BCAS3: variants seen among roughly 807,000 people sequenced by gnomAD.
The protein encoded by BCAS3 is BCAS3 microtubule associated cell migration factor, also known as BCAS4/BCAS3 fusion.
In BCAS3, 53 loss-of-function variants were observed where a neutral mutation model predicts 116.1. The ratio of observed to expected loss-of-function variants is 0.46; its 90% CI spans 0.37 to 0.57. The LOEUF is 0.57. Ranked by LOEUF, BCAS3 falls within the 20% of genes least tolerant of loss-of-function variation. The pLI is 0.00. For synonymous variants in BCAS3, 391 were observed against 408.2 expected (o/e 0.96, Z 0.51); for missense variants, 917 against 1,165.4 (o/e 0.79, Z 3.10).
At chr17:61,062,339 C>T (rs182496086) in intron 19 of BCAS3, among the ~76,000 whole-genome samples, 36 of 152,256 alleles carry the variant, frequency 2.4e-4, no homozygotes, top group Middle Eastern at 6.8e-3. Context: ...TAAAGGTAAG[C>T]TTTAATAAGA....
Position 60,984,991 on chromosome 17 carries a change from C to T in BCAS3, c.1222-4980C>T, listed in dbSNP as rs1474287925. Reference sequence around the variant, plus strand: ...CACCACTGCACTCTAGCCTGGGTGACAGAGTGAGACTCCATCTCAAAAAAA... The same window carrying T: ...CACCACTGCACTCTAGCCTGGGTGATAGAGTGAGACTCCATCTCAAAAAAA... On this transcript the variant is annotated intron_variant, in intron 14 of 23. Coordinates refer to ENST00000407086, the MANE Select transcript of BCAS3 (RefSeq NM_017679.5). Among the ~76,000 whole-genome samples, 5 of 117,420 alleles carry T rather than the reference C, an allele frequency of 4.3e-5. No individual in the cohort carries two copies. In the Admixed American group the frequency reaches 5.8e-4, roughly 14 times the overall value. The allele number at this position is 117,420 out of a possible 152,430, so 77.0% of individuals were successfully genotyped here. A position where few individuals can be genotyped will look rare whatever the true frequency, so the allele number is the denominator to read the frequency against.
At chr17:61,152,324 G>A (rs1053020484) in intron 22 of BCAS3, among the ~76,000 whole-genome samples, 4 of 152,104 alleles carry the variant, frequency 2.6e-5, no homozygotes, top group Non-Finnish European at 5.9e-5. Context: ...TAGGATCCTA[G>A]TGATTGGTGT....
chr17:61,040,929 T>A, intron 19 of BCAS3, 37 bp downstream of exon 19: 1 of 1,520,788 alleles, frequency 6.6e-7, no homozygotes, highest in Non-Finnish European at 9.1e-7. Context: ...TTTCGTATGG[T>A]CTATTCAGAT....
chr17:61,313,812 A>G lies in BCAS3; in HGVS notation c.2426-54515A>G, dbSNP rs2054520769. 6.6e-6 allele frequency among the ~76,000 whole-genome samples: 1 copy of G among 152,196 alleles called. No homozygotes were observed. The highest frequency in any genetic ancestry group is 2.4e-5 in the African/African-American group (1 of 41,452). On this transcript the variant is annotated intron_variant, in intron 22 of 23. Transcript: ENST00000407086. This position sits in a 1 kb window ranked among gnomAD's most constrained non-coding sequence, Gnocchi z 4.3. ...ATACAACTGGAAAGGCAAGCTCCCA[A>G]TTAAGTGGAAGAGCTCAAGCAAGAG... is the stretch of plus-strand genomic sequence containing the variant.
Position 60,937,859 on chromosome 17 carries a change from G to GT in BCAS3, c.1088-9359dup, listed in dbSNP as rs1466720597. Among the ~76,000 whole-genome samples, 4 of 152,118 alleles carry GT rather than the reference G, an allele frequency of 2.6e-5. No individual in the cohort carries two copies. The East Asian group carries it at 7.7e-4, about 29-fold the overall frequency. On this transcript the variant is annotated intron_variant, in intron 13 of 23. Coordinates refer to ENST00000407086, the MANE Select transcript of BCAS3 (RefSeq NM_017679.5). ...GACATGAATTTAGCATTAGTTGACT[G>GT]TATCTGTATCTGTAATTTTTCCTTG...
rs2067528573 is a variant in BCAS3 at position 61,041,780 on chromosome 17, A to T, written c.2029+888A>T. ...ATTTTATAGACTTTGCTCTCAAGTT[A>T]TGAAACTCTATAACTGTAATCAATA... On this transcript the variant is annotated intron_variant, in intron 19 of 23. Coordinates refer to ENST00000407086, the MANE Select transcript of BCAS3 (RefSeq NM_017679.5). The surrounding 1 kb of genome is among the most constrained non-coding windows in gnomAD (Gnocchi z 4.7). 6.6e-6 allele frequency among the ~76,000 whole-genome samples: 1 copy of T among 152,084 alleles called. No homozygotes were observed. The highest frequency in any genetic ancestry group is 1.5e-5 in the Non-Finnish European group (1 of 67,988).
intron 9 of BCAS3, among the ~76,000 whole-genome samples, chr17:60,889,469 G>C (rs1173028096): frequency 6.6e-6 from 1 of 152,164 alleles, no homozygotes; most frequent in Non-Finnish European, 1.5e-5. Context: ...GTTCTTTCCA[G>C]ATTTGTTTCT....
In BCAS3 at chr17:61,084,600, C is replaced by A; in HGVS notation, c.2425+36C>A. On this transcript the variant is annotated intron_variant, in intron 22 of 23. Coordinates refer to ENST00000407086, the MANE Select transcript of BCAS3 (RefSeq NM_017679.5). This position sits in a 1 kb window ranked among gnomAD's most constrained non-coding sequence, Gnocchi z 5.5. ...ACCTCTGAAATATTTATTGGGCAGTCCTGTGCATTTTTAACTAATTTTCTC... is the reference window on the plus strand; with the variant it reads ...ACCTCTGAAATATTTATTGGGCAGTACTGTGCATTTTTAACTAATTTTCTC... 1 of 1,509,364 alleles carries A rather than the reference C, an allele frequency of 6.6e-7. No homozygotes were observed. The highest frequency in any genetic ancestry group is 1.1e-5 in the South Asian group (1 of 88,628). The allele number at this position is 1,509,364 out of a possible 1,614,324, so 93.5% of individuals were successfully genotyped here.
chr17:61,263,347 G>A (rs976575057), intron 22 of BCAS3, among the ~76,000 whole-genome samples: 6 of 152,216 alleles, frequency 3.9e-5, no homozygotes, highest in Non-Finnish European at 8.8e-5. Context: ...GCAGGCCTTC[G>A]GTAGAGGAAC....
At chr17:60,929,069 A>G (rs1488962279) in intron 13 of BCAS3, among the ~76,000 whole-genome samples, 1 of 152,152 alleles carries the variant, frequency 6.6e-6, no homozygotes, top group African/African-American at 2.4e-5. Flanking sequence ...AGCACTCTTC[A>G]TTTAAGTCCT....
intron 7 of BCAS3, among the ~76,000 whole-genome samples, chr17:60,841,546 ATTTTT>A (rs754447784): frequency 1.4e-4 from 17 of 123,468 alleles, no homozygotes; most frequent in African/African-American, 5.6e-4. Context: ...CACCTGGCTA[ATTTTT>A]TTTTTTTTTT....
In BCAS3 at chr17:61,388,959, A is replaced by ATCATTCAT. The variant is rs58589853; in HGVS notation, c.2594-2981_2594-2974dup. The ATCATTCAT allele has an allele frequency of 1.3e-5, 4 of 303,582 alleles. No homozygotes were observed. The highest frequency in any genetic ancestry group is 2.2e-5 in the African/African-American group (1 of 46,144). The allele number at this position is 303,582 out of a possible 1,614,324, so 18.8% of individuals were successfully genotyped here. ...ATGGGCCCCCACCTCCCCTTACCAC[A>ATCATTCAT]TCATTCATTCATTCATTCATTCATT... On this transcript the variant is annotated intron_variant, in intron 23 of 23. Transcript: ENST00000407086. The surrounding 1 kb of genome is among the most constrained non-coding windows in gnomAD (Gnocchi z 6.5).
intron 6 of BCAS3, among the ~76,000 whole-genome samples, chr17:60,779,003 A>G (rs73316747): frequency 0.044 from 6,760 of 152,148 alleles, 487 homozygotes; most frequent in African/African-American, 0.15. Context: ...TTTTTGCAGT[A>G]CACTTTGGGT....
In BCAS3 at chr17:61,007,883, G is replaced by A. The variant is rs1050031111; in HGVS notation, c.1487-7868G>A. On this transcript the variant is annotated intron_variant, in intron 15 of 23. Transcript: ENST00000407086. This position sits in a 1 kb window ranked among gnomAD's most constrained non-coding sequence, Gnocchi z 4.3. The stretch of plus-strand genomic sequence containing the variant: ...TTTTGCTTGAAATGCATCAAAAATT[G>A]CAGTGTTTTTACTTCACCATCGATT... Among the ~76,000 whole-genome samples the A allele has an allele frequency of 1.3e-5, 2 of 152,026 alleles. No homozygotes were observed. The highest frequency in any genetic ancestry group is 2.9e-5 in the Non-Finnish European group (2 of 67,982).
chr17:60,762,326 G>A (rs1182789080), intron 6 of BCAS3, among the ~76,000 whole-genome samples: 1 of 152,112 alleles, frequency 6.6e-6, no homozygotes, highest in Non-Finnish European at 1.5e-5. Flanking sequence ...GGTTTTTATG[G>A]TTTTAGGTCT....
Position 60,689,780 on chromosome 17 carries a change from T to A in BCAS3, c.214+19T>A, listed in dbSNP as rs1781368804. On this transcript the variant is annotated intron_variant, in intron 4 of 23. Transcript: ENST00000407086. The stretch of plus-strand genomic sequence containing the variant: ...TTAAATGGTATGGTTTTAACTTTTT[T>A]TGGGACGTGTGAATTAATTGTTTGT... 1 of 1,528,080 alleles carries A rather than the reference T, an allele frequency of 6.5e-7. No individual in the cohort carries two copies. The highest frequency in any genetic ancestry group is 1.7e-4 in the Middle Eastern group (1 of 5,908). 94.7% of individuals were successfully genotyped at this position (1,528,080 alleles called of 1,614,324 possible).
rs1320515114 is a variant in BCAS3, at chr17:61,354,851, A to G, written c.2426-13476A>G. On this transcript the variant is annotated intron_variant, in intron 22 of 23. Coordinates refer to ENST00000407086, the MANE Select transcript of BCAS3 (RefSeq NM_017679.5). This position sits in a 1 kb window ranked among gnomAD's most constrained non-coding sequence, Gnocchi z 4.5. ...GACTACCAAAATAACAAAGCTAAAA[A>G]TGGGTCAGGTATCAAACGGGTCAAC... 2 of 152,262 alleles carry G rather than the reference A, an allele frequency of 1.3e-5. No homozygotes were observed. The highest frequency in any genetic ancestry group is 4.8e-5 in the African/African-American group (2 of 41,456). The allele number at this position is 152,262 out of a possible 1,614,324, so 9.4% of individuals were successfully genotyped here.
chr17:61,070,191 C>G (rs1260435938), intron 19 of BCAS3: 3 of 1,562,898 alleles, frequency 1.9e-6, no homozygotes. Context: ...CCAACAAGCA[C>G]CAGATTAAAC....
chr17:60,942,466 T>C (rs114193340), intron 13 of BCAS3, among the ~76,000 whole-genome samples: 1,779 of 151,612 alleles, frequency 0.012, 35 homozygotes, highest in African/African-American at 0.039. Context: ...AACAAATTTA[T>C]TGTTTGAATA....
Sources: allele counts gnomAD v4.1 joint callset (sites outside exome capture counted in the v4.1 genomes callset), GRCh38; gene constraint gnomAD v4.1.1; non-coding constraint Gnocchi (gnomAD v3.1); transcripts MANE v1.5; gene names NCBI Gene and HGNC (gene_info 2026-07-23, HGNC 2026-07-21).